SIPA1L3: variants seen among roughly 807,000 people sequenced by gnomAD.
SIPA1L3 encodes signal induced proliferation associated 1 like 3.
Under a neutral mutation model 150.1 loss-of-function variants are expected in SIPA1L3, and 59 were observed. The ratio of observed to expected loss-of-function variants is 0.39; its 90% CI spans 0.32 to 0.49. The LOEUF (loss-of-function observed/expected upper bound fraction) is 0.49. SIPA1L3 is among the 20% of genes least tolerant of loss of function. The pLI is 0.86. For synonymous variants in SIPA1L3, 1,070 were observed against 1,077.6 expected (o/e 0.99, Z 0.14); for missense variants, 2,211 against 2,489.5 (o/e 0.89, Z 2.38).
At position 38,011,605 on chromosome 19, in the gene SIPA1L3, C is replaced by T. The variant is rs117164019; in HGVS notation, c.-378-17484C>T. Among the ~76,000 whole-genome samples, 148 of 151,814 alleles carry T rather than the reference C, an allele frequency of 9.7e-4. 2 individuals carry two copies. The East Asian group carries it at 0.019, about 20-fold the overall frequency. On this transcript the variant is annotated intron_variant, in intron 1 of 21. Transcript: ENST00000222345. ...AGCCTGCCTTGAGAATAGCTAGAGCCACACGTGCAAAGGCCCCAGGGCAAG... is the reference window on the plus strand; with the variant it reads ...AGCCTGCCTTGAGAATAGCTAGAGCTACACGTGCAAAGGCCCCAGGGCAAG...
At chr19:37,924,266 G>A (rs975145103) in intron 1 of SIPA1L3, among the ~76,000 whole-genome samples, 5 of 151,984 alleles carry the variant, frequency 3.3e-5, no homozygotes, top group African/African-American at 9.7e-5. Context: ...GCCTCCACAG[G>A]ATCATTAGTA....
chr19:37,992,608 G>A (rs924852489), intron 1 of SIPA1L3, among the ~76,000 whole-genome samples: 5 of 150,742 alleles, frequency 3.3e-5, no homozygotes, highest in African/African-American at 9.8e-5. Flanking sequence ...CTGAGATTGC[G>A]CCACTGTACT....
At chr19:37,983,987 C>A (rs930654599) in intron 1 of SIPA1L3, among the ~76,000 whole-genome samples, 2 of 151,194 alleles carry the variant, frequency 1.3e-5, no homozygotes, top group Non-Finnish European at 2.9e-5. Context: ...TTGCTTCATA[C>A]AGGCATGATT....
chr19:38,151,600 C>T (rs73934111), intron 12 of SIPA1L3, among the ~76,000 whole-genome samples: 7 of 152,258 alleles, frequency 4.6e-5, no homozygotes, highest in South Asian at 2.1e-4. Context: ...CCTTCTACCA[C>T]AACCGGCTGT....
chr19:37,985,769 C>T (rs570552766), intron 1 of SIPA1L3, among the ~76,000 whole-genome samples: 23 of 152,224 alleles, frequency 1.5e-4, no homozygotes, highest in East Asian at 7.7e-4. Context: ...CTGACTTTGG[C>T]GTCTAGGAAG....
chr19:38,115,395 A>T (rs1375469820), intron 8 of SIPA1L3, among the ~76,000 whole-genome samples: 7 of 152,120 alleles, frequency 4.6e-5, no homozygotes. Context: ...CCCAGGTGAC[A>T]GAGCTAGAGA....
chr19:37,980,677 G>T (rs999420728), intron 1 of SIPA1L3, among the ~76,000 whole-genome samples: 1 of 151,574 alleles, frequency 6.6e-6, no homozygotes, highest in Non-Finnish European at 1.5e-5. Context: ...TGGAGGAACC[G>T]TGCCTTTAAT....
chr19:37,955,168 G>T (rs1410951158), intron 1 of SIPA1L3, among the ~76,000 whole-genome samples: 3 of 150,740 alleles, frequency 2.0e-5, no homozygotes, highest in Non-Finnish European at 4.4e-5. Context: ...GAGGTGGGTA[G>T]ATCACCTGAG....
chr19:37,958,694 C>T (rs1234783917), intron 1 of SIPA1L3, among the ~76,000 whole-genome samples: 1 of 152,102 alleles, frequency 6.6e-6, no homozygotes, highest in Non-Finnish European at 1.5e-5. Flanking sequence ...ACACATTGGA[C>T]TTCATGAAAA....
Position 38,201,808 on chromosome 19 carries a change from C to T in SIPA1L3, c.4985-54C>T, listed in dbSNP as rs368052560. Reference sequence around the variant, plus strand: ...AGGGAGAGGCGTGGTCCGTCTGTTGCGGGAGAAGCCGGGAGCCTTGCTGAC... The same window carrying T: ...AGGGAGAGGCGTGGTCCGTCTGTTGTGGGAGAAGCCGGGAGCCTTGCTGAC... On this transcript the variant is annotated intron_variant, in intron 19 of 21. Coordinates refer to ENST00000222345, the MANE Select transcript of SIPA1L3 (RefSeq NM_015073.3). The T allele has an allele frequency of 2.2e-3, 3,401 of 1,541,098 alleles. 5 individuals are homozygous for T. The highest frequency in any genetic ancestry group is 4.1e-3 in the South Asian group (328 of 79,304).
intron 1 of SIPA1L3, among the ~76,000 whole-genome samples, chr19:38,017,469 T>G (rs1490025267): frequency 1.3e-5 from 2 of 151,666 alleles, no homozygotes; most frequent in Non-Finnish European, 2.9e-5. Flanking sequence ...AGTTCTCCTT[T>G]CCTTCCACTG....
rs370857971 is a variant in SIPA1L3 at position 37,969,014 on chromosome 19, AT to A, written c.-378-60074del. ...AGTGTTCTTTTTAGGAACAGAGACAATGGCTGCTAGGGGGAAACAAATCAGT... is the reference window on the plus strand; with the variant it reads ...AGTGTTCTTTTTAGGAACAGAGACAAGGCTGCTAGGGGGAAACAAATCAGT... On this transcript the variant is annotated intron_variant, in intron 1 of 21. Transcript: ENST00000222345. Among the ~76,000 whole-genome samples the A allele has an allele frequency of 4.6e-3, 705 of 152,152 alleles. 5 individuals are homozygous for A. Among genetic ancestry groups the A allele is most frequent in the African/African-American group, 0.016 (682 of 41,490 alleles).
chr19:37,961,142 T>TA, intron 1 of SIPA1L3, among the ~76,000 whole-genome samples: 1 of 151,982 alleles, frequency 6.6e-6, no homozygotes, highest in East Asian at 1.9e-4. Flanking sequence ...GTGCTGGAAT[T>TA]ACAGGTGTGA....
intron 3 of SIPA1L3, among the ~76,000 whole-genome samples, chr19:38,087,969 G>A (rs1379029161): frequency 6.6e-6 from 1 of 152,150 alleles, no homozygotes; most frequent in Non-Finnish European, 1.5e-5. Flanking sequence ...AGTGAGCCGA[G>A]ATCGCGCCAA....
At chr19:38,096,701 A>T (rs897336678) in intron 4 of SIPA1L3, among the ~76,000 whole-genome samples, 2 of 152,192 alleles carry the variant, frequency 1.3e-5, no homozygotes, top group African/African-American at 4.8e-5. Context: ...GGCTACAAGC[A>T]TGAGCTGGTA....
intron 21 of SIPA1L3, among the ~76,000 whole-genome samples, chr19:38,204,692 G>C (rs1973170204): frequency 6.6e-6 from 1 of 152,088 alleles, no homozygotes; most frequent in South Asian, 2.1e-4. Flanking sequence ...TTGAACCCAG[G>C]AAGGTGGAGG....
intron 15 of SIPA1L3, among the ~76,000 whole-genome samples, chr19:38,172,435 C>G (rs746442384): frequency 1.3e-4 from 20 of 152,134 alleles, no homozygotes; most frequent in Admixed American, 9.2e-4. Flanking sequence ...CAGGACAAGA[C>G]AGACAGACAG....
At chr19:37,971,243 A>G (rs1032406064) in intron 1 of SIPA1L3, among the ~76,000 whole-genome samples, 33 of 151,838 alleles carry the variant, frequency 2.2e-4, no homozygotes, top group African/African-American at 8.0e-4. Flanking sequence ...TGCCTCCCTA[A>G]GTGCTGGGAG....
chr19:38,114,395 C>T (rs1970833680), intron 8 of SIPA1L3, among the ~76,000 whole-genome samples: 2 of 150,078 alleles, frequency 1.3e-5, no homozygotes. Context: ...TGCACTCCAG[C>T]CTGGGCGACA....
Sources: gnomAD v4.1 joint callset for allele counts (sites outside exome capture counted in the v4.1 genomes callset) on GRCh38, gnomAD v4.1.1 for gene constraint, MANE v1.5 for transcripts, NCBI Gene and HGNC (gene_info 2026-07-23, HGNC 2026-07-21) for gene names.